The following GRIK5 variants were observed in gnomAD, a reference collection of about 807,000 sequenced individuals.
The protein encoded by GRIK5 is glutamate ionotropic receptor kainate type subunit 5, also known as glutamate receptor ionotropic, kainate 5.
Under a neutral mutation model 97.4 loss-of-function variants are expected in GRIK5, and 43 were observed. The ratio of observed to expected loss-of-function variants is 0.44; its 90% CI spans 0.35 to 0.57. The LOEUF (loss-of-function observed/expected upper bound fraction) is 0.57, where lower values mean the gene tolerates loss of function less well. Among genes scored for constraint, GRIK5 ranks in the 20% least tolerant of loss-of-function variants. GRIK5 has a pLI of 0.01. For synonymous variants in GRIK5, 580 were observed against 583.5 expected (o/e 0.99, Z 0.09); for missense variants, 1,015 against 1,382.0 (o/e 0.73, Z 4.21).
At chr19:42,056,233 C>T (rs2076182389) in intron 8 of GRIK5, among the ~76,000 whole-genome samples, 2 of 152,198 alleles carry the variant, frequency 1.3e-5, no homozygotes, top group African/African-American at 4.8e-5. Flanking sequence ...ATTCACCTGC[C>T]TCGGCCTCCC....
At chr19:42,053,958 G>T (rs775632742) in intron 9 of GRIK5, 29 bp from the exon 10 acceptor site, 2 of 1,477,944 alleles carry the variant, frequency 1.4e-6, no homozygotes, top group Non-Finnish European at 9.5e-7. Flanking sequence ...GGGGCAGAGG[G>T]AGAGTGCAGG....
chr19:42,044,780 T>C (rs1490326832), intron 11 of GRIK5, among the ~76,000 whole-genome samples: 1 of 152,098 alleles, frequency 6.6e-6, no homozygotes, highest in African/African-American at 2.4e-5. Context: ...CAAAACCCCG[T>C]CTCTATAAAA....
Position 42,048,387 on chromosome 19 carries a change from C to T in GRIK5, c.1269+5215G>A, listed in dbSNP as rs532587424. Among the ~76,000 whole-genome samples, 4 of 152,194 alleles carry T rather than the reference C, an allele frequency of 2.6e-5. No homozygotes were observed. The South Asian group carries it at 6.2e-4, about 24-fold the overall frequency. On this transcript the variant is annotated intron_variant, in intron 11 of 19. Coordinates refer to ENST00000593562, the MANE Select transcript of GRIK5 (RefSeq NM_002088.5). ...CTGTAATCCCGGCACTTTGGGAGGCCGAGGTGGGCAGATCACGAGGTCAGG... is the reference window on the plus strand; with the variant it reads ...CTGTAATCCCGGCACTTTGGGAGGCTGAGGTGGGCAGATCACGAGGTCAGG...
intron 12 of GRIK5, among the ~76,000 whole-genome samples, chr19:42,032,727 A>G (rs1031198339): frequency 6.6e-6 from 1 of 152,178 alleles, no homozygotes; most frequent in Non-Finnish European, 1.5e-5. Context: ...TCCTCCTTAT[A>G]GTGGAAACTG....
chr19:42,064,262 G>A (rs1377844632), intron 3 of GRIK5, among the ~76,000 whole-genome samples: 2 of 152,148 alleles, frequency 1.3e-5, no homozygotes, highest in Non-Finnish European at 2.9e-5. Context: ...GTGGGTGAAG[G>A]TGGCATCTTT....
intron 1 of GRIK5, among the ~76,000 whole-genome samples, chr19:42,067,095 G>A (rs2076344542): frequency 6.6e-6 from 1 of 152,236 alleles, no homozygotes; most frequent in Non-Finnish European, 1.5e-5. Context: ...TCCCCTGGCT[G>A]AGGGCTGTGC....
At chr19:42,032,237 C>G (rs1599788857) in intron 12 of GRIK5, among the ~76,000 whole-genome samples, 1 of 152,320 alleles carries the variant, frequency 6.6e-6, no homozygotes, top group African/African-American at 2.4e-5. Flanking sequence ...GGAATTACTA[C>G]TATGCAGCCA....
chr19:42,013,377 A>T (rs2075586788), intron 15 of GRIK5, among the ~76,000 whole-genome samples: 1 of 151,298 alleles, frequency 6.6e-6, no homozygotes, highest in South Asian at 2.1e-4. Flanking sequence ...ATAAATATTT[A>T]AAAACATCTT....
chr19:42,039,912 G>A (rs184512042), intron 12 of GRIK5, among the ~76,000 whole-genome samples: 2 of 152,048 alleles, frequency 1.3e-5, no homozygotes, highest in African/African-American at 4.8e-5. Context: ...CCCAGGAGGT[G>A]GAGGCTGCAG....
chr19:42,009,038 T>C (rs2075527580), intron 15 of GRIK5, among the ~76,000 whole-genome samples: 1 of 151,666 alleles, frequency 6.6e-6, no homozygotes, highest in East Asian at 2.0e-4. Context: ...ATAAGCCTGG[T>C]CAACATAGCC....
At chr19:42,037,325 G>T (rs1243881226) in intron 12 of GRIK5, among the ~76,000 whole-genome samples, 1 of 152,166 alleles carries the variant, frequency 6.6e-6, no homozygotes, top group African/African-American at 2.4e-5. Context: ...CGGGCATTGT[G>T]GTGCATTCCT....
At chr19:42,058,833 AAAAAAAAG>A (rs1227822315) in intron 6 of GRIK5, among the ~76,000 whole-genome samples, 2 of 151,876 alleles carry the variant, frequency 1.3e-5, no homozygotes, top group African/African-American at 4.8e-5. Flanking sequence ...CTCAAAAAAA[AAAAAAAAG>A]AAAAAAGAAA....
intron 11 of GRIK5, among the ~76,000 whole-genome samples, chr19:42,052,133 A>G (rs1016312655): frequency 6.6e-6 from 1 of 152,172 alleles, no homozygotes; most frequent in Non-Finnish European, 1.5e-5. Flanking sequence ...AAGTGAATCA[A>G]CCCATCAAGA....
intron 11 of GRIK5, among the ~76,000 whole-genome samples, chr19:42,046,728 C>T (rs1161022124): frequency 6.6e-6 from 1 of 152,088 alleles, no homozygotes; most frequent in Non-Finnish European, 1.5e-5. Flanking sequence ...CAACGATGTG[C>T]TTGTATATGC....
intron 19 of GRIK5, among the ~76,000 whole-genome samples, chr19:42,001,362 G>T (rs1275605163): frequency 6.6e-6 from 1 of 152,146 alleles, no homozygotes; most frequent in African/African-American, 2.4e-5. Flanking sequence ...CTGAGTAGTT[G>T]GGACTACAGG....
chr19:41,999,032 T>C lies in GRIK5; in HGVS notation c.2782A>G (p.Thr928Ala). Residue 928 changes from threonine to alanine, a missense_variant, in exon 20 of 20, where the codon ACC (threonine) becomes GCC (alanine). Physicochemically the swap from Thr to Ala is moderately conservative, Grantham distance 58 (BLOSUM62 0). Around this residue, in one of 5 missense-constraint regions of GRIK5, gnomAD observed 109 missense variants for 100.4 expected, o/e 1.09. Transcript: ENST00000593562. This position sits in a 1 kb window ranked among gnomAD's most constrained non-coding sequence, Gnocchi z 5.0. ...CACTCCTGGCAGACGCGCACGTGGGTGCAGGGGGTGGGGGCGGCGGGTCGG... is the reference window on the plus strand; with the variant it reads ...CACTCCTGGCAGACGCGCACGTGGGCGCAGGGGGTGGGGGCGGCGGGTCGG... The part of the protein sequence containing the change: ...GARPAAPTPC[T>A]HVRVCQECRR... 1 of 1,127,468 alleles carries C rather than the reference T, an allele frequency of 8.9e-7. No homozygotes were observed. 69.8% of individuals were successfully genotyped at this position (1,127,468 alleles called of 1,614,324 possible).
intron 5 of GRIK5, 90 bp from the exon 6 acceptor site, chr19:42,059,617 G>A: frequency 1.7e-6 from 2 of 1,143,552 alleles, no homozygotes; most frequent in Non-Finnish European, 2.5e-6. Context: ...GGGGCAGCTG[G>A]GCAGAGGACT....
At chr19:42,056,140 A>G (rs559685291) in intron 8 of GRIK5, among the ~76,000 whole-genome samples, 1 of 151,884 alleles carries the variant, frequency 6.6e-6, no homozygotes, top group Admixed American at 6.5e-5. Flanking sequence ...ACCTGCCATC[A>G]TGCCCAGCTA....
intron 8 of GRIK5, among the ~76,000 whole-genome samples, chr19:42,054,858 G>A (rs1183503536): frequency 6.6e-6 from 1 of 152,200 alleles, no homozygotes; most frequent in Non-Finnish European, 1.5e-5. Flanking sequence ...TTACATGAGT[G>A]GGGCTGGACG....
Sources: gnomAD v4.1 joint callset for allele counts (sites outside exome capture counted in the v4.1 genomes callset) on GRCh38, gnomAD v4.1.1 for gene constraint, gnomAD v4.1.1 regional missense constraint, Gnocchi (gnomAD v3.1) non-coding constraint, MANE v1.5 for transcripts, NCBI Gene and HGNC (gene_info 2026-07-23, HGNC 2026-07-21) for gene names.